CSMD1: variants seen among roughly 807,000 people sequenced by gnomAD.
The protein encoded by CSMD1 is CUB and sushi domain-containing protein 1.
In CSMD1, 213 loss-of-function variants were observed where a neutral mutation model predicts 417.5. The observed-to-expected ratio is 0.51, with a 90% CI of 0.46 to 0.57. The LOEUF is 0.57. CSMD1 is among the 20% of genes least tolerant of loss of function. The probability of loss-of-function intolerance (pLI) is 0.00; values close to 1 mark genes in which losing one functional copy is unlikely to be tolerated. For missense variants in CSMD1, 6,923 were observed against 4,529.7 expected (o/e 1.53, Z -15.17); for synonymous variants, 2,862 against 1,736.8 (o/e 1.65, Z -16.11).
At chr8:3,780,106 T>C (rs945348779) in intron 5 of CSMD1, among the ~76,000 whole-genome samples, 4 of 152,210 alleles carry the variant, frequency 2.6e-5, no homozygotes, top group African/African-American at 9.6e-5. Context: ...CGGTGTTGCA[T>C]TAGAAGGCTT....
At chr8:3,704,858 C>T (rs1000319576) in intron 7 of CSMD1, 1 of 152,282 alleles carries the variant, frequency 6.6e-6, no homozygotes, top group Admixed American at 6.5e-5. Flanking sequence ...TGCTGATGCC[C>T]TGACAGTGAG....
At chr8:3,431,930 C>G (rs1191297144) in intron 12 of CSMD1, among the ~76,000 whole-genome samples, 3 of 152,208 alleles carry the variant, frequency 2.0e-5, no homozygotes, top group Admixed American at 6.5e-5. Context: ...CATGACTTTA[C>G]TGTGTCACAC....
chr8:3,095,963 GA>G (rs1815265509), intron 47 of CSMD1, among the ~76,000 whole-genome samples: 2 of 152,056 alleles, frequency 1.3e-5, no homozygotes. Flanking sequence ...AATCACACTT[GA>G]AAAACTCCTG....
At chr8:4,353,656 T>C (rs747012206) in intron 3 of CSMD1, among the ~76,000 whole-genome samples, 1 of 152,110 alleles carries the variant, frequency 6.6e-6, no homozygotes, top group Non-Finnish European at 1.5e-5. Flanking sequence ...ACCTTCTCAA[T>C]CTGCCTTTAC....
At chr8:3,343,014 C>A (rs1382501201) in intron 23 of CSMD1, among the ~76,000 whole-genome samples, 1 of 152,088 alleles carries the variant, frequency 6.6e-6, no homozygotes, top group Admixed American at 6.6e-5. Flanking sequence ...ATACCCCAAT[C>A]AATATATTTA....
At chr8:3,125,863 G>A (rs143491925) in intron 41 of CSMD1, among the ~76,000 whole-genome samples, 2 of 152,154 alleles carry the variant, frequency 1.3e-5, no homozygotes, top group African/African-American at 4.8e-5. Context: ...TGTAACCCCA[G>A]CTACTCGGGA....
intron 25 of CSMD1, among the ~76,000 whole-genome samples, chr8:3,305,140 C>T (rs1804730912): frequency 6.6e-6 from 1 of 152,100 alleles, no homozygotes; most frequent in African/African-American, 2.4e-5. Context: ...TTCATCCCCT[C>T]AAAGAAAGTG....
chr8:4,217,441 G>T (rs144804028), intron 3 of CSMD1, among the ~76,000 whole-genome samples: 2 of 152,044 alleles, frequency 1.3e-5, no homozygotes, highest in African/African-American at 4.8e-5. Context: ...TATAAGACAC[G>T]TTATACCATA....
At chr8:3,262,818 G>C (rs142191527) in intron 26 of CSMD1, among the ~76,000 whole-genome samples, 18 of 152,176 alleles carry the variant, frequency 1.2e-4, no homozygotes, top group African/African-American at 4.1e-4. Context: ...TTAAACATAA[G>C]TAAATGAATT....
chr8:4,648,722 G>C (rs1803692573), intron 1 of CSMD1, among the ~76,000 whole-genome samples: 2 of 152,104 alleles, frequency 1.3e-5, no homozygotes, highest in South Asian at 2.1e-4. Flanking sequence ...CAGTGTCTTT[G>C]TGAATTTAGG....
At chr8:2,954,294 T>C in intron 64 of CSMD1, 26 bp from the exon 65 acceptor site, 5 of 1,317,976 alleles carry the variant, frequency 3.8e-6, no homozygotes, top group Middle Eastern at 1.9e-4. Flanking sequence ...CAAATTATCA[T>C]TTTAAAAAAA....
intron 1 of CSMD1, among the ~76,000 whole-genome samples, chr8:4,708,934 G>A (rs901805395): frequency 6.6e-6 from 1 of 152,136 alleles, no homozygotes; most frequent in Non-Finnish European, 1.5e-5. Context: ...TCATTCACAA[G>A]CCAAAGAAAG....
At chr8:3,828,926 T>G (rs947272147) in intron 5 of CSMD1, among the ~76,000 whole-genome samples, 4 of 152,206 alleles carry the variant, frequency 2.6e-5, no homozygotes, top group Non-Finnish European at 5.9e-5. Flanking sequence ...CCATTACTTC[T>G]GCACACTGGT....
chr8:3,596,725 C>T lies in CSMD1; in HGVS notation c.1098-10465G>A, dbSNP rs78436563. Among the ~76,000 whole-genome samples the T allele has an allele frequency of 6.9e-3, 1,042 of 152,114 alleles. 19 individuals are homozygous for T. Among genetic ancestry groups the T allele is most frequent in the South Asian group, 0.03 (142 of 4,808 alleles). On this transcript the variant is annotated intron_variant, in intron 8 of 69. Coordinates refer to ENST00000635120, the MANE Select transcript of CSMD1 (RefSeq NM_033225.6). The stretch of plus-strand genomic sequence containing the variant: ...TAAGGAGCACCACACAAAACAAGAG[C>T]CAGGAGGGTGGGCAAGAGAAGAAAA...
At chr8:3,511,798 A>ATAAC (rs1797082346) in intron 10 of CSMD1, among the ~76,000 whole-genome samples, 3 of 151,710 alleles carry the variant, frequency 2.0e-5, no homozygotes, top group African/African-American at 7.3e-5. Context: ...ATAACATAAC[A>ATAAC]TAACATAACA....
chr8:4,472,671 C>T (rs913074491), intron 2 of CSMD1, among the ~76,000 whole-genome samples: 2 of 149,992 alleles, frequency 1.3e-5, no homozygotes, highest in Non-Finnish European at 2.9e-5. Flanking sequence ...ATATTAATTG[C>T]TTTGTTATAT....
intron 1 of CSMD1, among the ~76,000 whole-genome samples, chr8:4,922,421 A>C (rs966390932): frequency 6.6e-6 from 1 of 152,222 alleles, no homozygotes; most frequent in African/African-American, 2.4e-5. Flanking sequence ...ATTAGAAATT[A>C]AAGGTCAAAT....
At chr8:4,226,544 A>T (rs555076162) in intron 3 of CSMD1, among the ~76,000 whole-genome samples, 21 of 152,316 alleles carry the variant, frequency 1.4e-4, no homozygotes, top group African/African-American at 5.0e-4. Flanking sequence ...ATCCTAAAAA[A>T]TCATGGATAC....
chr8:4,415,273 CT>C (rs948965834), intron 3 of CSMD1, among the ~76,000 whole-genome samples: 1 of 152,172 alleles, frequency 6.6e-6, no homozygotes, highest in Admixed American at 6.5e-5. Context: ...CCCCCTCCTC[CT>C]GTAAACCACA....
Sources: gnomAD v4.1 joint callset for allele counts (sites outside exome capture counted in the v4.1 genomes callset) on GRCh38, gnomAD v4.1.1 for gene constraint, MANE v1.5 for transcripts, NCBI Gene and HGNC (gene_info 2026-07-23, HGNC 2026-07-21) for gene names.